Variants in TACC2 observed in about 807,000 individuals in gnomAD.
TACC2 encodes the protein transforming acidic coiled-coil-containing protein 2.
TACC2 carries 137 observed loss-of-function variants against 227.3 expected under a neutral mutation model. The ratio of observed to expected loss-of-function variants is 0.60; its 90% CI spans 0.52 to 0.69. The LOEUF is 0.69. Among genes scored for constraint, TACC2 ranks in the 30% least tolerant of loss-of-function variants. TACC2 has a pLI of 0.00. For missense variants in TACC2, 3,470 were observed against 3,694.4 expected (o/e 0.94, Z 1.57); for synonymous variants, 1,523 against 1,487.5 (o/e 1.02, Z -0.55).
At chr10:122,130,330 G>A (rs569222242) in intron 5 of TACC2, among the ~76,000 whole-genome samples, 2 of 152,032 alleles carry the variant, frequency 1.3e-5, no homozygotes, top group South Asian at 2.1e-4. Context: ...TCTAGTTGCA[G>A]TGACATTTTG....
intron 7 of TACC2, among the ~76,000 whole-genome samples, chr10:122,166,308 T>A (rs1033365559): frequency 6.6e-6 from 1 of 152,138 alleles, no homozygotes; most frequent in South Asian, 2.1e-4. Flanking sequence ...AATTTAAATT[T>A]TTTAGTTTTA....
intron 5 of TACC2, among the ~76,000 whole-genome samples, chr10:122,099,458 A>T (rs1253038211): frequency 6.6e-6 from 1 of 152,208 alleles, no homozygotes; most frequent in Non-Finnish European, 1.5e-5. Flanking sequence ...TTGGGCATTC[A>T]TAGTCATTCA....
intron 2 of TACC2, among the ~76,000 whole-genome samples, chr10:122,028,886 C>T (rs1381718332): frequency 5.7e-4 from 22 of 38,746 alleles, no homozygotes; most frequent in African/African-American, 2.4e-3. Flanking sequence ...CCCTTCCCTC[C>T]GCTCCCCTCC....
Position 122,142,212 on chromosome 10 carries a change from G to A in TACC2, c.5700-1360G>A, listed in dbSNP as rs181905140. Among the ~76,000 whole-genome samples the A allele has an allele frequency of 1.5e-3, 234 of 152,270 alleles. 4 individuals carry two copies. The East Asian group carries it at 0.038, about 25-fold the overall frequency. On this transcript the variant is annotated intron_variant, in intron 6 of 22. Coordinates refer to ENST00000369005, the MANE Select transcript of TACC2 (RefSeq NM_206862.4). Reference sequence around the variant, plus strand: ...GCTCTGTTTTCCTCTGTGGAGCCCCGAGGGAGCAGGCAGCATGGGTTCCAG... The same window carrying A: ...GCTCTGTTTTCCTCTGTGGAGCCCCAAGGGAGCAGGCAGCATGGGTTCCAG...
In TACC2 at chr10:122,084,456, A is replaced by G; in HGVS notation, c.1956A>G (p.Ala652=). Residue 652 remains alanine, a synonymous_variant, in exon 4 of 23, where the codon GCA becomes GCG. Transcript: ENST00000369005. ...GHTDGPHSQT[A]EADASGLPHK... is the part of the protein sequence containing the mutation. ...CGGACGGGCCCCACTCTCAGACAGCAGAGGCTGATGCATCTGGCCTACCAC... is the reference window on the plus strand; with the variant it reads ...CGGACGGGCCCCACTCTCAGACAGCGGAGGCTGATGCATCTGGCCTACCAC... 1 of 1,613,104 alleles carries G rather than the reference A, an allele frequency of 6.2e-7. No individual in the cohort carries two copies. The highest frequency in any genetic ancestry group is 8.5e-7 in the Non-Finnish European group (1 of 1,180,026).
chr10:122,098,535 T>C (rs1398153900), intron 5 of TACC2, among the ~76,000 whole-genome samples: 2 of 152,182 alleles, frequency 1.3e-5, no homozygotes, highest in Non-Finnish European at 2.9e-5. Flanking sequence ...GCAAGTTCCT[T>C]AGCCACCCTA....
At chr10:122,018,522 C>T (rs529452694) in intron 1 of TACC2, among the ~76,000 whole-genome samples, 122 of 152,208 alleles carry the variant, frequency 8.0e-4, no homozygotes, top group African/African-American at 2.8e-3. Flanking sequence ...AAAAAAAAAT[C>T]CTGTGCCCAT....
At chr10:122,066,728 G>A (rs1337083743) in intron 3 of TACC2, among the ~76,000 whole-genome samples, 1 of 152,212 alleles carries the variant, frequency 6.6e-6, no homozygotes, top group Non-Finnish European at 1.5e-5. Context: ...TTTAACTGGA[G>A]TGTTTATAAC....
Position 122,180,339 on chromosome 10 carries a change from C to CAT in TACC2, c.5835-14701_5835-14700insAT, listed in dbSNP as rs1565525601. Among the ~76,000 whole-genome samples, 7 of 136,920 alleles carry CAT rather than the reference C, an allele frequency of 5.1e-5. No individual in the cohort carries two copies. The allele number at this position is 136,920 out of a possible 152,430, so 89.8% of individuals were successfully genotyped here. A position where few individuals can be genotyped will look rare whatever the true frequency, so the allele number is the denominator to read the frequency against. On this transcript the variant is annotated intron_variant, in intron 7 of 22. Transcript: ENST00000369005. This position sits in a 1 kb window ranked among gnomAD's most constrained non-coding sequence, Gnocchi z 4.5. ...GCCTGAAACTTTCTTCCCCCCAGTTCTTTTTTTTTTTTTTTGGGTTAATAG... is the reference window on the plus strand; with the variant it reads ...GCCTGAAACTTTCTTCCCCCCAGTTCATTTTTTTTTTTTTTTTGGGTTAATAG...
chr10:122,177,204 A>G (rs1025788711), intron 7 of TACC2, among the ~76,000 whole-genome samples: 2 of 152,158 alleles, frequency 1.3e-5, no homozygotes, highest in African/African-American at 2.4e-5. Context: ...GGCCTCCTAC[A>G]GTTGCATTTT....
Position 122,229,245 on chromosome 10 carries a change from A to C in TACC2, c.7897-101A>C, listed in dbSNP as rs769140103. 2.9e-5 allele frequency: 42 copies of C among 1,457,330 alleles called. 1 individual carries two copies. In the Middle Eastern group the frequency reaches 1.3e-3, roughly 44 times the overall value. The allele number at this position is 1,457,330 out of a possible 1,614,324, so 90.3% of individuals were successfully genotyped here. On this transcript the variant is annotated intron_variant, in intron 14 of 22. Coordinates refer to ENST00000369005, the MANE Select transcript of TACC2 (RefSeq NM_206862.4). ...TGATACTCTCTTTAGCCTCAAGGCA[A>C]AAATGTCCAGCAAATGGCTGCATGG... is the stretch of plus-strand genomic sequence containing the variant.
intron 16 of TACC2, among the ~76,000 whole-genome samples, chr10:122,236,594 C>CGA (rs2095861559): frequency 6.6e-6 from 1 of 152,168 alleles, no homozygotes; most frequent in Non-Finnish European, 1.5e-5. Flanking sequence ...ACAGATTCCT[C>CGA]CTCCTCACCT....
chr10:122,046,715 C>T (rs1273711930), intron 2 of TACC2, among the ~76,000 whole-genome samples: 6 of 152,064 alleles, frequency 3.9e-5, no homozygotes, highest in African/African-American at 1.4e-4. Flanking sequence ...TATTTGTCTT[C>T]TTTCCAGAAT....
intron 5 of TACC2, among the ~76,000 whole-genome samples, chr10:122,115,849 A>G (rs1402483545): frequency 1.3e-5 from 2 of 152,082 alleles, no homozygotes; most frequent in Non-Finnish European, 2.9e-5. Flanking sequence ...AGGTCCTTGC[A>G]ACTTTTGCAC....
intron 8 of TACC2, among the ~76,000 whole-genome samples, chr10:122,204,265 A>C (rs963141038): frequency 3.3e-5 from 5 of 152,116 alleles, no homozygotes; most frequent in Non-Finnish European, 7.3e-5. Context: ...AGAGCGTCTC[A>C]TTTCATGCCT....
intron 8 of TACC2, among the ~76,000 whole-genome samples, chr10:122,198,654 C>T (rs900903267): frequency 2.6e-5 from 4 of 152,216 alleles, no homozygotes; most frequent in Admixed American, 6.5e-5. Flanking sequence ...GAACCTCATA[C>T]GCCATCTCAC....
chr10:122,075,524 C>T (rs2078698906), intron 3 of TACC2, among the ~76,000 whole-genome samples: 1 of 152,148 alleles, frequency 6.6e-6, no homozygotes, highest in South Asian at 2.1e-4. Flanking sequence ...TGGACGTGAC[C>T]ATAAGGGGGC....
intron 13 of TACC2, 137 bp downstream of exon 13, chr10:122,226,618 T>C (rs1415006777): frequency 1.6e-6 from 1 of 620,344 alleles, no homozygotes; most frequent in Admixed American, 2.9e-5. Context: ...TTTTTTTTTT[T>C]AATAGAGACA....
chr10:122,179,568 T>G (rs560574613), intron 7 of TACC2, among the ~76,000 whole-genome samples: 1 of 152,184 alleles, frequency 6.6e-6, no homozygotes, highest in Non-Finnish European at 1.5e-5. Context: ...CTTCTCACCT[T>G]GGAGGCGAGC....
Sources: gnomAD v4.1 joint callset for allele counts (sites outside exome capture counted in the v4.1 genomes callset) on GRCh38, gnomAD v4.1.1 for gene constraint, Gnocchi (gnomAD v3.1) non-coding constraint, MANE v1.5 for transcripts, NCBI Gene and HGNC (gene_info 2026-07-23, HGNC 2026-07-21) for gene names.